The following DNM3 variants were observed in gnomAD, a reference collection of about 807,000 sequenced individuals.
DNM3 encodes the protein dynamin-3.
DNM3 carries 47 observed loss-of-function variants against 101.6 expected under a neutral mutation model. The ratio of observed to expected loss-of-function variants is 0.46; its 90% CI spans 0.37 to 0.59. DNM3 has a LOEUF of 0.59. Among genes scored for constraint, DNM3 ranks in the 20% least tolerant of loss-of-function variants. The pLI is 0.00. For synonymous variants in DNM3, 385 were observed against 387.9 expected (o/e 0.99, Z 0.09); for missense variants, 849 against 1,085.7 (o/e 0.78, Z 3.06).
At chr1:172,030,395 C>G (rs977052180) in intron 4 of DNM3, among the ~76,000 whole-genome samples, 1 of 152,134 alleles carries the variant, frequency 6.6e-6, no homozygotes, top group African/African-American at 2.4e-5. Flanking sequence ...ACACCTTATA[C>G]AAAAATTAAC....
intron 15 of DNM3, among the ~76,000 whole-genome samples, chr1:172,305,274 A>G (rs1305726211): frequency 6.6e-6 from 1 of 152,244 alleles, no homozygotes; most frequent in Admixed American, 6.5e-5. Flanking sequence ...AATAAACTAG[A>G]AAATCTAGAA....
chr1:172,350,084 C>A (rs1401520340), intron 17 of DNM3, among the ~76,000 whole-genome samples: 1 of 152,056 alleles, frequency 6.6e-6, no homozygotes, highest in Non-Finnish European at 1.5e-5. Flanking sequence ...AATAAAAATG[C>A]CTGTTCTTTT....
intron 2 of DNM3, among the ~76,000 whole-genome samples, chr1:171,943,621 C>G (rs2041962870): frequency 6.6e-6 from 1 of 152,152 alleles, no homozygotes; most frequent in Non-Finnish European, 1.5e-5. Context: ...TACCTATGAC[C>G]TGGAAGCCCC....
At chr1:172,315,063 C>T (rs1472969335) in intron 16 of DNM3, among the ~76,000 whole-genome samples, 1 of 152,208 alleles carries the variant, frequency 6.6e-6, no homozygotes, top group Non-Finnish European at 1.5e-5. Flanking sequence ...AACAATCAGA[C>T]AGCAGCATTC....
At chr1:172,326,517 T>A (rs958722713) in intron 17 of DNM3, among the ~76,000 whole-genome samples, 3 of 152,190 alleles carry the variant, frequency 2.0e-5, no homozygotes, top group African/African-American at 7.2e-5. Flanking sequence ...ATCAGAATGT[T>A]ATTTTCAGAA....
At chr1:172,057,726 G>C (rs1031712455) in intron 10 of DNM3, among the ~76,000 whole-genome samples, 26 of 151,828 alleles carry the variant, frequency 1.7e-4, no homozygotes, top group African/African-American at 5.8e-4. Context: ...ACCGGTACCA[G>C]CCGCTGCAAA....
intron 2 of DNM3, among the ~76,000 whole-genome samples, chr1:171,968,814 T>G (rs191531114): frequency 4.9e-4 from 75 of 152,298 alleles, no homozygotes; most frequent in Middle Eastern, 3.4e-3. Flanking sequence ...ATTTAAATAT[T>G]GTTTTTAATT....
At chr1:172,255,412 A>G (rs2062357965) in intron 15 of DNM3, among the ~76,000 whole-genome samples, 1 of 152,122 alleles carries the variant, frequency 6.6e-6, no homozygotes, top group South Asian at 2.1e-4. Context: ...TGCAGAGTGG[A>G]ACAGGTGACT....
intron 10 of DNM3, among the ~76,000 whole-genome samples, chr1:172,050,443 A>G (rs12075807): frequency 0.38 from 58,102 of 151,908 alleles, 11,601 homozygotes; most frequent in Non-Finnish European, 0.43. Flanking sequence ...AGCCAGTTGC[A>G]CTTATTTTAA....
intron 1 of DNM3, among the ~76,000 whole-genome samples, chr1:171,862,392 G>C (rs2034269457): frequency 6.6e-6 from 1 of 152,156 alleles, no homozygotes; most frequent in Admixed American, 6.6e-5. Flanking sequence ...GAATACAATG[G>C]AGTATTATTG....
chr1:171,883,410 CACA>C (rs1558209894), intron 1 of DNM3, among the ~76,000 whole-genome samples: 39 of 112,092 alleles, frequency 3.5e-4, no homozygotes, highest in African/African-American at 1.1e-3. Context: ...CACACACACA[CACA>C]CCCTGTCAGA....
chr1:171,862,124 C>T (rs1047742919), intron 1 of DNM3, among the ~76,000 whole-genome samples: 28 of 152,230 alleles, frequency 1.8e-4, no homozygotes, highest in African/African-American at 6.3e-4. Context: ...TCATCCATTA[C>T]TGGTGGGAGT....
At chr1:172,189,924 A>G (rs1457068298) in intron 14 of DNM3, among the ~76,000 whole-genome samples, 1 of 151,902 alleles carries the variant, frequency 6.6e-6, no homozygotes, top group East Asian at 1.9e-4. Context: ...CACCAAAAGG[A>G]TAGTGCTAAC....
intron 11 of DNM3, among the ~76,000 whole-genome samples, chr1:172,073,895 G>C (rs139461643): frequency 2.3e-3 from 347 of 152,180 alleles, no homozygotes; most frequent in African/African-American, 8.1e-3. Flanking sequence ...CTTTTTTGCA[G>C]GTTCTGGTTG....
chr1:172,007,233 T>C (rs1456990118), intron 4 of DNM3, among the ~76,000 whole-genome samples: 1 of 152,120 alleles, frequency 6.6e-6, no homozygotes, highest in East Asian at 1.9e-4. Flanking sequence ...TTCTCCAAAA[T>C]GGTTGTACAA....
At position 172,282,161 on chromosome 1, in the gene DNM3, G is replaced by T. The variant is rs965413163; in HGVS notation, c.1770-26567G>T. ...CTCAGGGCAGAGCTATGGAGGAGCT[G>T]AAGTTTGTGTTTTGTCTTGTCCGTT... On this transcript the variant is annotated intron_variant, in intron 15 of 20. Transcript: ENST00000627582. Among the ~76,000 whole-genome samples, 12 of 152,280 alleles carry T rather than the reference G, an allele frequency of 7.9e-5. No individual in the cohort carries two copies. In the South Asian group the frequency reaches 1.5e-3, roughly 18 times the overall value.
At chr1:171,929,588 A>G (rs374605020) in intron 2 of DNM3, among the ~76,000 whole-genome samples, 5 of 150,934 alleles carry the variant, frequency 3.3e-5, no homozygotes. Context: ...GAGAGTAGCT[A>G]TGCTGTGCTG....
In DNM3 at chr1:172,409,521, A is replaced by G. The variant is rs990630289; in HGVS notation, c.*1680A>G. 1.0e-5 allele frequency: 10 copies of G among 984,504 alleles called. No homozygotes were observed. The highest frequency in any genetic ancestry group is 1.2e-5 in the Non-Finnish European group (10 of 829,110). The allele number at this position is 984,504 out of a possible 1,614,324, so 61.0% of individuals were successfully genotyped here. A position where few individuals can be genotyped will look rare whatever the true frequency, so the allele number is the denominator to read the frequency against. ...TACATAAAGGTCATTTCAACTTTTA[A>G]GGTTACCAGTGATTGTATAAAAACA... On this transcript the variant is annotated 3_prime_UTR_variant, in exon 21 of 21. Coordinates refer to ENST00000627582, the MANE Select transcript of DNM3 (RefSeq NM_015569.5).
intron 4 of DNM3, among the ~76,000 whole-genome samples, chr1:172,029,641 A>G (rs12023825): frequency 0.28 from 42,692 of 152,028 alleles, 6,248 homozygotes; most frequent in East Asian, 0.48. Flanking sequence ...TGACATGATT[A>G]TATATTTAGA....
Sources: gnomAD v4.1 joint callset for allele counts (sites outside exome capture counted in the v4.1 genomes callset) on GRCh38, gnomAD v4.1.1 for gene constraint, MANE v1.5 for transcripts, NCBI Gene and HGNC (gene_info 2026-07-23, HGNC 2026-07-21) for gene names.